The following ITPRID1 variants were observed in gnomAD, a reference collection of about 807,000 sequenced individuals.
ITPRID1 encodes the protein protein ITPRID1.
A neutral mutation model predicts 95.4 loss-of-function variants in ITPRID1; 96 were observed. The observed-to-expected ratio is 1.01, with a 90% CI of 0.85 to 1.19. ITPRID1 has a LOEUF of 1.19. Ranked by LOEUF, ITPRID1 falls within the 50% of genes most tolerant of loss-of-function variation. The probability of loss-of-function intolerance (pLI) is 0.00; values close to 1 mark genes in which losing one functional copy is unlikely to be tolerated. For synonymous variants in ITPRID1, 510 were observed against 453.6 expected (o/e 1.12, Z -1.58); for missense variants, 1,339 against 1,252.9 (o/e 1.07, Z -1.04).
intron 10 of ITPRID1, among the ~76,000 whole-genome samples, chr7:31,637,294 T>A (rs894540144): frequency 2.0e-5 from 3 of 152,174 alleles, no homozygotes; most frequent in African/African-American, 7.2e-5. Flanking sequence ...TAGTTGTAGA[T>A]CCCTGAGGAA....
At chr7:31,620,171 TG>T (rs1389043760) in intron 10 of ITPRID1, among the ~76,000 whole-genome samples, 1 of 152,152 alleles carries the variant, frequency 6.6e-6, no homozygotes, top group East Asian at 1.9e-4. Flanking sequence ...GCTCCACCTC[TG>T]GGGGCAGGGC....
intron 2 of ITPRID1, among the ~76,000 whole-genome samples, chr7:31,550,371 A>G (rs1405151396): frequency 6.6e-6 from 1 of 152,120 alleles, no homozygotes; most frequent in Non-Finnish European, 1.5e-5. Flanking sequence ...CAGAATGAGG[A>G]TTCCTCTTGG....
At chr7:31,527,600 C>T (rs775760261) in intron 1 of ITPRID1, among the ~76,000 whole-genome samples, 4 of 152,160 alleles carry the variant, frequency 2.6e-5, no homozygotes, top group Admixed American at 6.5e-5. Context: ...CTCTCAGCCT[C>T]CTTGGCTAAA....
At position 31,578,376 on chromosome 7, in the gene ITPRID1, A is replaced by G; in HGVS notation, c.1112A>G (p.Lys371Arg). Residue 371 changes from lysine (K) to arginine (R), a missense_variant, in exon 9 of 15, where the codon AAG becomes AGG. Physicochemically the swap from Lys to Arg is conservative, Grantham distance 26. Transcript: ENST00000615280. ...TQKENLFQTN[K>R]LKSLSHLAGK... ...AAGGAGAACTTATTTCAGACTAACA[A>G]GCTCAAGAGCTTGTCTCATCTTGCA... 4.3e-6 allele frequency: 7 copies of G among 1,613,686 alleles called. No individual in the cohort carries two copies. The highest frequency in any genetic ancestry group is 5.9e-6 in the Non-Finnish European group (7 of 1,179,728).
At chr7:31,658,063 C>A (rs571270923), downstream of ITPRID1, among the ~76,000 whole-genome samples, 61 of 152,272 alleles carry the variant, frequency 4.0e-4, 1 homozygote, top group South Asian at 1.0e-2. Context: ...CAAGTCACAT[C>A]TTTTCCTTGA....
intron 5 of ITPRID1, among the ~76,000 whole-genome samples, chr7:31,559,626 C>T (rs892931466): frequency 1.3e-5 from 2 of 152,182 alleles, no homozygotes; most frequent in Non-Finnish European, 2.9e-5. Context: ...GATCATGCCA[C>T]TGCACTCCAG....
intron 1 of ITPRID1, among the ~76,000 whole-genome samples, chr7:31,537,805 AT>A (rs2128132039): frequency 6.6e-6 from 1 of 152,312 alleles, no homozygotes; most frequent in East Asian, 1.9e-4. Context: ...AAATAACCAT[AT>A]TTAGCATTTT....
chr7:31,529,225 C>T (rs566402587), intron 1 of ITPRID1, among the ~76,000 whole-genome samples: 3 of 152,178 alleles, frequency 2.0e-5, no homozygotes, highest in African/African-American at 7.2e-5. Flanking sequence ...TTGAATCTCT[C>T]CATCCTGAAT....
intron 10 of ITPRID1, among the ~76,000 whole-genome samples, chr7:31,628,067 A>T (rs1788639033): frequency 6.6e-6 from 1 of 152,216 alleles, no homozygotes; most frequent in Admixed American, 6.5e-5. Flanking sequence ...AAGCAGAGGG[A>T]GCCGACTACT....
At chr7:31,542,440 C>A (rs1783963558) in intron 1 of ITPRID1, among the ~76,000 whole-genome samples, 1 of 152,146 alleles carries the variant, frequency 6.6e-6, no homozygotes, top group Non-Finnish European at 1.5e-5. Context: ...CTTGTAAACA[C>A]CCCTTTCTTT....
Position 31,530,004 on chromosome 7 carries a change from A to G in ITPRID1, c.-98+15884A>G, listed in dbSNP as rs117807394. Among the ~76,000 whole-genome samples, 715 of 152,258 alleles carry G rather than the reference A, an allele frequency of 4.7e-3. 4 individuals are homozygous for G. The highest frequency in any genetic ancestry group is 0.01 in the Middle Eastern group (3 of 294). On this transcript the variant is annotated intron_variant, in intron 1 of 14. Transcript: ENST00000615280. ...CCTAGGAAGAAAAACTATTAGCAAG[A>G]AGATGAAGTGATCTAATTGTCATGG...
At chr7:31,525,844 G>T (rs1334889847) in intron 1 of ITPRID1, among the ~76,000 whole-genome samples, 1 of 152,136 alleles carries the variant, frequency 6.6e-6, no homozygotes, top group Non-Finnish European at 1.5e-5. Context: ...ACTTAGGAAA[G>T]AATTGCCTCC....
intron 10 of ITPRID1, among the ~76,000 whole-genome samples, chr7:31,617,123 A>AATTT (rs1394864108): frequency 1.3e-5 from 2 of 152,174 alleles, no homozygotes; most frequent in African/African-American, 4.8e-5. Context: ...GTCCCGGTAT[A>AATTT]ATTTATCAAC....
At chr7:31,549,348 CCACAAACTAA>C in intron 1 of ITPRID1, 68 bp from the exon 2 acceptor site, 1 of 1,072,310 alleles carries the variant, frequency 9.3e-7, no homozygotes, top group Non-Finnish European at 1.2e-6. Context: ...CACAGGCTAC[CCACAAACTAA>C]CAGGGTCAAG....
At chr7:31,620,991 G>A (rs1027467240) in intron 10 of ITPRID1, among the ~76,000 whole-genome samples, 3 of 151,906 alleles carry the variant, frequency 2.0e-5, no homozygotes, top group Non-Finnish European at 4.4e-5. Flanking sequence ...GCGATCAACT[G>A]GAAGAAAGGG....
In ITPRID1 at chr7:31,630,244, C is replaced by CAAAA. The variant is rs71557496; in HGVS notation, c.1229-11917_1229-11914dup. ...ATCAAAGAAAATAGAGTCTACTTGG[C>CAAAA]AAAAAAAAAAAAAAAAAACATTGAA... On this transcript the variant is annotated intron_variant, in intron 10 of 14. Coordinates refer to ENST00000615280, the MANE Select transcript of ITPRID1 (RefSeq NM_001257967.3). Among the ~76,000 whole-genome samples, 733 of 103,578 alleles carry CAAAA rather than the reference C, an allele frequency of 7.1e-3. 20 individuals are homozygous for CAAAA. Among genetic ancestry groups the CAAAA allele is most frequent in the African/African-American group, 0.016 (413 of 26,462 alleles). 68.0% of individuals were successfully genotyped at this position (103,578 alleles called of 152,430 possible). A position where few individuals can be genotyped will look rare whatever the true frequency, so the allele number is the denominator to read the frequency against.
chr7:31,597,691 AGAAAT>A (rs1443940481), intron 10 of ITPRID1, among the ~76,000 whole-genome samples: 1 of 152,184 alleles, frequency 6.6e-6, no homozygotes, highest in African/African-American at 2.4e-5. Flanking sequence ...CATATCAAAA[AGAAAT>A]AAATCTTCAC....
intron 10 of ITPRID1, among the ~76,000 whole-genome samples, chr7:31,623,747 C>T (rs1788159891): frequency 1.3e-5 from 2 of 149,526 alleles, no homozygotes; most frequent in Non-Finnish European, 3.0e-5. Context: ...GCCTATTCAA[C>T]ATAGTGTTGG....
chr7:31,572,423 A>T (rs1785023969), intron 7 of ITPRID1, among the ~76,000 whole-genome samples: 1 of 152,200 alleles, frequency 6.6e-6, no homozygotes, highest in African/African-American at 2.4e-5. Context: ...AGTTCATTTT[A>T]CAGAATTCCA....
Sources: allele counts gnomAD v4.1 joint callset (sites outside exome capture counted in the v4.1 genomes callset), GRCh38; gene constraint gnomAD v4.1.1; transcripts MANE v1.5; gene names NCBI Gene and HGNC (gene_info 2026-07-23, HGNC 2026-07-21).